The following GALNT3 variants were observed in gnomAD, a reference collection of about 807,000 sequenced individuals.
GALNT3 encodes polypeptide N-acetylgalactosaminyltransferase 3.
In GALNT3, 51 loss-of-function variants were observed where a neutral mutation model predicts 69.8. The ratio of observed to expected loss-of-function variants is 0.73; its 90% CI spans 0.58 to 0.92. GALNT3 has a LOEUF of 0.92. Ranked by LOEUF, GALNT3 falls within the 40% of genes least tolerant of loss-of-function variation. The pLI is 0.00. For missense variants in GALNT3, 711 were observed against 760.0 expected, an observed-to-expected ratio of 0.94 and a Z score of 0.76; for synonymous variants, 265 against 248.5, an observed-to-expected ratio of 1.07 and a Z score of -0.63.
intron 4 of GALNT3, among the ~76,000 whole-genome samples, chr2:165,760,607 C>G (rs1688528145): frequency 6.6e-6 from 1 of 152,164 alleles, no homozygotes; most frequent in Non-Finnish European, 1.5e-5. Flanking sequence ...TAAAGCACCT[C>G]TCTAGCATTA....
At chr2:165,777,745 G>T (rs1682995905) in intron 1 of GALNT3, among the ~76,000 whole-genome samples, 1 of 152,220 alleles carries the variant, frequency 6.6e-6, no homozygotes, top group African/African-American at 2.4e-5. Context: ...GCCACATTCT[G>T]TCTCAGAGGG....
Position 165,765,041 on chromosome 2 carries a change from T to G in GALNT3, c.531A>C (p.Lys177Asn). The G allele has an allele frequency of 6.2e-7, 1 of 1,614,170 alleles. No individual in the cohort carries two copies. Among genetic ancestry groups the G allele is most frequent in the East Asian group, 2.2e-5 (1 of 44,880 alleles). The change falls in exon 3 of 11, where the codon AAA (lysine) becomes AAC (asparagine). Residue 177 changes from lysine (K) to asparagine (N), a missense_variant. Physicochemically the swap from Lys to Asn is moderately conservative, Grantham distance 94. Coordinates refer to ENST00000392701, the MANE Select transcript of GALNT3 (RefSeq NM_004482.4). The part of the protein sequence containing the change: ...DTRPPECIEQ[K>N]FKRCPPLPTT... The stretch of plus-strand genomic sequence containing the variant: ...TGGGCAGGGGAGGGCAGCGCTTAAA[T>G]TTTTGTTCAATACATCTAGAAGAAG...
chr2:165,792,988 CA>C (rs1352574614), intron 1 of GALNT3, among the ~76,000 whole-genome samples: 1 of 152,086 alleles, frequency 6.6e-6, no homozygotes, highest in Non-Finnish European at 1.5e-5. Context: ...ACTTCTATAG[CA>C]AGTTATGTTA....
chr2:165,749,691 AG>A, intron 10 of GALNT3, 50 bp downstream of exon 10: 2 of 1,492,620 alleles, frequency 1.3e-6, no homozygotes, highest in Non-Finnish European at 1.9e-6. Flanking sequence ...CAGATAAGCA[AG>A]TAGAGCTAAG....
In GALNT3 at chr2:165,747,609, T is replaced by C. The variant is rs1368619591; in HGVS notation, c.*1172A>G. On this transcript the variant is annotated 3_prime_UTR_variant, in exon 11 of 11. Transcript: ENST00000392701. The stretch of plus-strand genomic sequence containing the variant: ...TCTATCAGATGCTTAAGGAACTTTA[T>C]CAGAAATTAATACAAAATTTTCTAA... The C allele has an allele frequency of 6.6e-6, 1 of 152,320 alleles. No individual in the cohort carries two copies. The highest frequency in any genetic ancestry group is 1.5e-5 in the Non-Finnish European group (1 of 68,148). 9.4% of individuals were successfully genotyped at this position (152,320 alleles called of 1,614,324 possible).
At position 165,779,704 on chromosome 2, in the gene GALNT3, T is replaced by C. The variant is rs192648493; in HGVS notation, c.-108-8896A>G. Among the ~76,000 whole-genome samples the C allele has an allele frequency of 8.5e-5, 13 of 152,118 alleles. No homozygotes were observed. In the East Asian group the frequency reaches 2.3e-3, roughly 27 times the overall value. On this transcript the variant is annotated intron_variant, in intron 1 of 10. Coordinates refer to ENST00000392701, the MANE Select transcript of GALNT3 (RefSeq NM_004482.4). The stretch of plus-strand genomic sequence containing the variant: ...AACATATACAAAAAAAACCTAGATA[T>C]AAGAGGCAAAGAAAAAATGTGCATT...
intron 1 of GALNT3, among the ~76,000 whole-genome samples, chr2:165,789,220 TG>T (rs1415981306): frequency 6.6e-6 from 1 of 152,342 alleles, no homozygotes; most frequent in East Asian, 1.9e-4. Context: ...ATCAAGCTGC[TG>T]GCAGATTCAA....
chr2:165,790,506 TTATATC>T (rs1232123855), intron 1 of GALNT3, among the ~76,000 whole-genome samples: 3 of 152,226 alleles, frequency 2.0e-5, no homozygotes, highest in Admixed American at 6.5e-5. Context: ...CAATAGGATT[TTATATC>T]TATAAAGTAT....
chr2:165,784,065 C>A (rs744158), intron 1 of GALNT3, among the ~76,000 whole-genome samples: 60,203 of 151,946 alleles, frequency 0.4, 13,303 homozygotes, highest in Non-Finnish European at 0.5. Flanking sequence ...ATAAACCGGT[C>A]TCAGCCTAAA....
intron 1 of GALNT3, among the ~76,000 whole-genome samples, chr2:165,778,240 T>C (rs1683016775): frequency 6.6e-6 from 1 of 152,226 alleles, no homozygotes; most frequent in South Asian, 2.1e-4. Flanking sequence ...ATTGATTACT[T>C]ATGGCATACT....
At chr2:165,765,843 A>AT (rs1431887795) in intron 2 of GALNT3, among the ~76,000 whole-genome samples, 1 of 152,192 alleles carries the variant, frequency 6.6e-6, no homozygotes, top group Admixed American at 6.5e-5. Flanking sequence ...TAAGTATGTA[A>AT]TATAGGTTTC....
rs1403107847 is a variant in GALNT3 at position 165,754,651 on chromosome 2, T to C, written c.1602A>G (p.Thr534=). 1 of 1,613,254 alleles carries C rather than the reference T, an allele frequency of 6.2e-7. No individual in the cohort carries two copies. The highest frequency in any genetic ancestry group is 8.5e-7 in the Non-Finnish European group (1 of 1,179,394). Residue 534 remains threonine (T), a synonymous_variant, in exon 9 of 11, where the codon ACA becomes ACG. Transcript: ENST00000392701. ...CCTGGTTTCCCCCAAGTCCATGACA[T>C]GTATACATAATTAATGGTTTGCCTC... is the stretch of plus-strand genomic sequence containing the variant. ...NQGGKPLIMY[T]CHGLGGNQYF... is the part of the protein sequence containing the mutation.
rs76365741 is a variant in GALNT3, at chr2:165,780,413, T to C, written c.-108-9605A>G. On this transcript the variant is annotated intron_variant, in intron 1 of 10. Coordinates refer to ENST00000392701, the MANE Select transcript of GALNT3 (RefSeq NM_004482.4). ...CTTCCAACTCTGACCATAAAAACCA[T>C]TAACAACTACCCATCGATGACCAAT... is the stretch of plus-strand genomic sequence containing the variant. Among the ~76,000 whole-genome samples, 727 of 152,308 alleles carry C rather than the reference T, an allele frequency of 4.8e-3. 4 individuals carry two copies. Among genetic ancestry groups the C allele is most frequent in the Non-Finnish European group, 7.4e-3 (502 of 68,018 alleles).
At chr2:165,754,831 T>C in intron 8 of GALNT3, 101 bp downstream of exon 8, 5 of 1,421,838 alleles carry the variant, frequency 3.5e-6, no homozygotes, top group Non-Finnish European at 4.9e-6. Context: ...ATGTAAAATC[T>C]CAAAAGCAAT....
At chr2:165,787,916 A>C (rs1271166128) in intron 1 of GALNT3, among the ~76,000 whole-genome samples, 1 of 152,234 alleles carries the variant, frequency 6.6e-6, no homozygotes, top group African/African-American at 2.4e-5. Flanking sequence ...AAAAGGTCCC[A>C]AAATAAAATA....
chr2:165,759,301 G>A (rs751659181), intron 5 of GALNT3, 35 bp downstream of exon 5: 11 of 1,502,574 alleles, frequency 7.3e-6, no homozygotes, highest in Non-Finnish European at 9.2e-6. Flanking sequence ...ATGGTATAGG[G>A]TGTAAATATA....
At chr2:165,768,796 T>A (rs1483875251) in intron 2 of GALNT3, among the ~76,000 whole-genome samples, 1 of 146,274 alleles carries the variant, frequency 6.8e-6, no homozygotes, top group East Asian at 2.0e-4. Context: ...TGTACTCTTT[T>A]TTTTTTTTTT....
In GALNT3 at chr2:165,765,014, G is replaced by C; in HGVS notation, c.558C>G (p.Thr186=). 6.2e-7 allele frequency: 1 copy of C among 1,614,220 alleles called. No homozygotes were observed. Among genetic ancestry groups the C allele is most frequent in the Non-Finnish European group, 8.5e-7 (1 of 1,180,032 alleles). Residue 186 remains threonine (T), a synonymous_variant, in exon 3 of 11, where the codon ACC becomes ACG. Transcript: ENST00000392701. ...TATGAAAAACTATTATGACACTGGT[G>C]GTGGGCAGGGGAGGGCAGCGCTTAA... ...QKFKRCPPLP[T]TSVIIVFHNE...
At chr2:165,758,619 C>A in intron 6 of GALNT3, 128 bp downstream of exon 6, 3 of 646,730 alleles carry the variant, frequency 4.6e-6, no homozygotes, top group East Asian at 2.7e-5. Context: ...CCAAAATTTC[C>A]AGCAATTAAG....
Sources: gnomAD v4.1 joint callset for allele counts (sites outside exome capture counted in the v4.1 genomes callset) on GRCh38, gnomAD v4.1.1 for gene constraint, MANE v1.5 for transcripts, NCBI Gene and HGNC (gene_info 2026-07-23, HGNC 2026-07-21) for gene names.